ATP7B: variants seen among roughly 807,000 people sequenced by gnomAD.
ATP7B encodes ATPase copper transporting beta.
In ATP7B, 113 loss-of-function variants were observed where a neutral mutation model predicts 118.9. That is an observed-to-expected ratio of 0.95 (90% CI 0.82 to 1.11). The LOEUF (loss-of-function observed/expected upper bound fraction) is 1.11. Among genes scored for constraint, ATP7B ranks in the 50% most tolerant of loss-of-function variants. The pLI, the probability that ATP7B is intolerant of heterozygous loss-of-function variation, is 0.00. For missense variants in ATP7B, 1,867 were observed against 1,871.4 expected, an observed-to-expected ratio of 1.00 and a Z score of 0.04; for synonymous variants, 777 against 727.4, an observed-to-expected ratio of 1.07 and a Z score of -1.10.
At chr13:51,973,053 G>A (rs1441824284) in intron 2 of ATP7B, among the ~76,000 whole-genome samples, 1 of 151,968 alleles carries the variant, frequency 6.6e-6, no homozygotes, top group Non-Finnish European at 1.5e-5. Flanking sequence ...AAGCCTGGTG[G>A]CTCCCTCACC....
At chr13:51,997,427 T>A (rs1211100312) in intron 1 of ATP7B, among the ~76,000 whole-genome samples, 1 of 152,244 alleles carries the variant, frequency 6.6e-6, no homozygotes, top group Admixed American at 6.5e-5. Context: ...AAGGAAAATA[T>A]GTTGGGATCA....
intron 1 of ATP7B, among the ~76,000 whole-genome samples, chr13:52,002,387 C>T (rs571325591): frequency 2.0e-3 from 294 of 149,468 alleles, no homozygotes; most frequent in African/African-American, 7.0e-3. Flanking sequence ...CATGGTGAAA[C>T]CGTGTCTCTA....
At chr13:51,938,444 G>T (rs760986893) in intron 17 of ATP7B, among the ~76,000 whole-genome samples, 5 of 152,224 alleles carry the variant, frequency 3.3e-5, no homozygotes, top group African/African-American at 4.8e-5. Flanking sequence ...ACGCTAAACA[G>T]GTCCATAATT....
At chr13:51,935,227 C>T (rs1193115478) in intron 20 of ATP7B, among the ~76,000 whole-genome samples, 198 bp from the exon 21 acceptor site, 1 of 152,200 alleles carries the variant, frequency 6.6e-6, no homozygotes, top group Admixed American at 6.5e-5. Context: ...TAAGCAAATG[C>T]CTTGCACATT....
intron 1 of ATP7B, among the ~76,000 whole-genome samples, chr13:51,999,193 C>T (rs1279448304): frequency 1.3e-5 from 2 of 152,136 alleles, no homozygotes; most frequent in Admixed American, 1.3e-4. Context: ...ACACATACTG[C>T]CCTTGGAAGT....
In ATP7B at chr13:51,968,394, A is replaced by G. The variant is rs777907234; in HGVS notation, c.1707+50T>C. On this transcript the variant is annotated intron_variant, in intron 4 of 20. Transcript: ENST00000242839. ...AATCACAAAGATGGATGTGTCCAAA[A>G]TGCAAACTGTCAGAAGCCTGTAACC... The G allele has an allele frequency of 4.8e-5, 78 of 1,613,536 alleles. 1 individual carries two copies. In the South Asian group the frequency reaches 8.0e-4, roughly 17 times the overall value.
At chr13:51,961,770 G>T (rs1201553806) in intron 6 of ATP7B, 67 bp downstream of exon 6, 7 of 1,475,126 alleles carry the variant, frequency 4.7e-6, no homozygotes, top group Non-Finnish European at 6.6e-6. Flanking sequence ...CCAGCTGGCA[G>T]AGTTGGGCCC....
intron 1 of ATP7B, among the ~76,000 whole-genome samples, chr13:51,997,795 G>A (rs2140465230): frequency 6.6e-6 from 1 of 152,342 alleles, no homozygotes; most frequent in East Asian, 1.9e-4. Context: ...CACAGCAGGT[G>A]ACAAAAAGTG....
chr13:51,982,382 A>G (rs1264899942), intron 1 of ATP7B, among the ~76,000 whole-genome samples: 1 of 152,164 alleles, frequency 6.6e-6, no homozygotes, highest in Non-Finnish European at 1.5e-5. Context: ...TCCTTTAGGT[A>G]TAAAGGTTTG....
At chr13:51,984,118 G>A (rs1269087449) in intron 1 of ATP7B, among the ~76,000 whole-genome samples, 11 of 152,026 alleles carry the variant, frequency 7.2e-5, no homozygotes, top group Admixed American at 5.9e-4. Flanking sequence ...AAACTCCACC[G>A]AGCTAAAGTA....
At position 51,957,604 on chromosome 13, in the gene ATP7B, T is replaced by G; in HGVS notation, c.2359A>C (p.Lys787Gln). 6.2e-7 allele frequency: 1 copy of G among 1,614,028 alleles called. No homozygotes were observed. Among genetic ancestry groups the G allele is most frequent in the Non-Finnish European group, 8.5e-7 (1 of 1,179,844 alleles). The change falls in exon 9 of 21, where the codon AAA becomes CAA. Residue 787 changes from lysine (K) to glutamine (Q), a missense_variant. Lys to Gln is a moderately conservative substitution (Grantham distance 53). Coordinates refer to ENST00000242839, the MANE Select transcript of ATP7B (RefSeq NM_000053.4). ...AGTTTAGCCAGGGCTTCTGAGGTTT[T>G]GCTCTAGGAAATAACCAGAATGTGA... ...GRWLEHLAKS[K>Q]TSEALAKLMS... is the part of the protein sequence containing the mutation.
chr13:51,975,070 G>C lies in ATP7B; in HGVS notation c.150C>G (p.Gly50=). 1 of 1,614,218 alleles carries C rather than the reference G, an allele frequency of 6.2e-7. No individual in the cohort carries two copies. Among genetic ancestry groups the C allele is most frequent in the Non-Finnish European group, 8.5e-7 (1 of 1,180,030 alleles). The part of the protein sequence containing the change: ...DNVGYEGGLD[G]LGPSSQVATS... Reference sequence around the variant, plus strand: ...TGGCCACCTGAGAAGAAGGGCCCAGGCCATCCAGACCACCTTCATAGCCAA... The same window carrying C: ...TGGCCACCTGAGAAGAAGGGCCCAGCCCATCCAGACCACCTTCATAGCCAA... The change falls in exon 2 of 21, where the codon GGC becomes GGG. Residue 50 remains glycine (G), a synonymous_variant. Transcript: ENST00000242839.
At chr13:51,976,081 T>C (rs1952104529) in intron 1 of ATP7B, among the ~76,000 whole-genome samples, 1 of 152,240 alleles carries the variant, frequency 6.6e-6, no homozygotes, top group Non-Finnish European at 1.5e-5. Flanking sequence ...GTCATTCTAT[T>C]AACAAGCAAA....
chr13:51,985,187 C>T (rs1387027097), intron 1 of ATP7B, among the ~76,000 whole-genome samples: 4 of 152,238 alleles, frequency 2.6e-5, no homozygotes, highest in Middle Eastern at 3.4e-3. Context: ...CATGTGCAAA[C>T]ACACACATAG....
intron 19 of ATP7B, among the ~76,000 whole-genome samples, chr13:51,936,496 GGGA>G (rs772642248): frequency 6.6e-6 from 1 of 151,904 alleles, no homozygotes; most frequent in Non-Finnish European, 1.5e-5. Flanking sequence ...GGGAATGAGG[GGGA>G]ATTACAAAGC....
chr13:51,962,139 G>T (rs1593740651), intron 5 of ATP7B, among the ~76,000 whole-genome samples: 2 of 152,202 alleles, frequency 1.3e-5, no homozygotes, highest in South Asian at 4.1e-4. Context: ...CTCCAAAGCT[G>T]AGCAGTGCTG....
intron 1 of ATP7B, among the ~76,000 whole-genome samples, chr13:52,005,577 C>A (rs1250733759): frequency 1.3e-5 from 2 of 152,212 alleles, no homozygotes; most frequent in Admixed American, 6.5e-5. Context: ...CTGATCATGA[C>A]CACTTAAGTA....
chr13:51,994,356 CTG>C (rs543859491), intron 1 of ATP7B, among the ~76,000 whole-genome samples: 10 of 152,224 alleles, frequency 6.6e-5, no homozygotes, highest in Non-Finnish European at 1.0e-4. Context: ...ACTCGAACCT[CTG>C]TGTAGAAGCT....
chr13:51,938,322 C>G (rs904136674), intron 17 of ATP7B, among the ~76,000 whole-genome samples: 1 of 152,220 alleles, frequency 6.6e-6, no homozygotes, highest in Non-Finnish European at 1.5e-5. Flanking sequence ...CAAGGGCAGA[C>G]CCCCCTTCAC....
Sources: gnomAD v4.1 joint callset for allele counts (sites outside exome capture counted in the v4.1 genomes callset) on GRCh38, gnomAD v4.1.1 for gene constraint, MANE v1.5 for transcripts, NCBI Gene and HGNC (gene_info 2026-07-23, HGNC 2026-07-21) for gene names.